TCF4: variants seen among roughly 807,000 people sequenced by gnomAD.
TCF4 encodes SL3-3 enhancer factor 2.
In TCF4, 3 loss-of-function variants were observed where a neutral mutation model predicts 82.1. That is an observed-to-expected ratio of 0.04 (90% CI 0.02 to 0.09). The LOEUF is 0.09. Ranked by LOEUF, TCF4 falls within the 10% of genes least tolerant of loss-of-function variation. The probability of loss-of-function intolerance (pLI) is 1.00; values close to 1 mark genes in which losing one functional copy is unlikely to be tolerated. For synonymous variants in TCF4, 276 were observed against 309.6 expected, an observed-to-expected ratio of 0.89 and a Z score of 1.14; for missense variants, 518 against 852.7, an observed-to-expected ratio of 0.61 and a Z score of 4.89.
At chr18:55,632,153 C>T (rs922157916) in intron 1 of TCF4, among the ~76,000 whole-genome samples, 1 of 152,196 alleles carries the variant, frequency 6.6e-6, no homozygotes, top group Non-Finnish European at 1.5e-5. Flanking sequence ...ATTCTCCTGC[C>T]TCAGCCTCCC....
chr18:55,490,141 A>G (rs1009260513), intron 3 of TCF4, among the ~76,000 whole-genome samples: 35 of 152,378 alleles, frequency 2.3e-4, no homozygotes, highest in Non-Finnish European at 3.4e-4. Context: ...GCAGCAAAGC[A>G]TAAGGAAATA....
chr18:55,508,274 T>C (rs2096786150), intron 3 of TCF4, among the ~76,000 whole-genome samples: 1 of 152,226 alleles, frequency 6.6e-6, no homozygotes, highest in Non-Finnish European at 1.5e-5. Context: ...ATCTATAACC[T>C]ACTCCAGGTC....
At chr18:55,549,032 G>A (rs200689685) in intron 3 of TCF4, among the ~76,000 whole-genome samples, 9 of 152,004 alleles carry the variant, frequency 5.9e-5, no homozygotes, top group Middle Eastern at 3.4e-3. Context: ...CAGGCATGGT[G>A]GTTCACACCT....
chr18:55,508,821 G>A (rs1436169299), intron 3 of TCF4, among the ~76,000 whole-genome samples: 3 of 152,060 alleles, frequency 2.0e-5, no homozygotes, highest in Non-Finnish European at 4.4e-5. Flanking sequence ...CGCAATACAC[G>A]CTAAATGCTA....
Position 55,279,497 on chromosome 18 carries a change from G to A in TCF4, c.655+54C>T. On this transcript the variant is annotated intron_variant, in intron 9 of 19. Coordinates refer to ENST00000354452, the MANE Select transcript of TCF4 (RefSeq NM_001083962.2). ...TTCTGCCCCATCTGTGACATTAAGTGACCCAGGAAAATGCTATCCAGTGGC... is the reference window on the plus strand; with the variant it reads ...TTCTGCCCCATCTGTGACATTAAGTAACCCAGGAAAATGCTATCCAGTGGC... 1.2e-6 allele frequency: 2 copies of A among 1,611,968 alleles called. No homozygotes were observed. The highest frequency in any genetic ancestry group is 1.7e-6 in the Non-Finnish European group (2 of 1,179,230).
intron 2 of TCF4, among the ~76,000 whole-genome samples, chr18:55,625,334 G>A (rs2097725490): frequency 6.6e-6 from 1 of 151,854 alleles, no homozygotes; most frequent in South Asian, 2.1e-4. Flanking sequence ...TGCCTCCTGG[G>A]TTCAAGTGAT....
At chr18:55,285,878 C>A (rs1358688607) in intron 8 of TCF4, among the ~76,000 whole-genome samples, 1 of 152,196 alleles carries the variant, frequency 6.6e-6, no homozygotes, top group African/African-American at 2.4e-5. Context: ...AACTGCTGTT[C>A]AATAAATGTT....
intron 6 of TCF4, among the ~76,000 whole-genome samples, chr18:55,369,857 A>C (rs1167487697): frequency 1.3e-5 from 2 of 152,238 alleles, no homozygotes; most frequent in Non-Finnish European, 2.9e-5. Flanking sequence ...GTCAATCTGC[A>C]GAAAGGAGCT....
At chr18:55,337,241 G>C (rs1467590201) in intron 8 of TCF4, among the ~76,000 whole-genome samples, 1 of 152,132 alleles carries the variant, frequency 6.6e-6, no homozygotes, top group Non-Finnish European at 1.5e-5. Context: ...CTATTTCTAA[G>C]CTTCCTTCCC....
chr18:55,430,694 A>G (rs950439181), intron 5 of TCF4, among the ~76,000 whole-genome samples: 19 of 152,194 alleles, frequency 1.2e-4, no homozygotes, highest in African/African-American at 4.6e-4. Flanking sequence ...CGTTTTTAAC[A>G]TTGTGGATGT....
intron 5 of TCF4, among the ~76,000 whole-genome samples, chr18:55,453,073 C>G (rs538313500): frequency 8.5e-5 from 13 of 152,330 alleles, no homozygotes; most frequent in Middle Eastern, 3.4e-3. Flanking sequence ...GAGTCCCAAA[C>G]TTGCTTCTCT....
At chr18:55,387,745 T>G (rs1455484201) in intron 6 of TCF4, among the ~76,000 whole-genome samples, 1 of 152,218 alleles carries the variant, frequency 6.6e-6, no homozygotes, top group African/African-American at 2.4e-5. Flanking sequence ...CCTCTGGCTC[T>G]GTGACAGTAT....
At chr18:55,467,085 C>G (rs912684779) in intron 3 of TCF4, among the ~76,000 whole-genome samples, 1 of 152,098 alleles carries the variant, frequency 6.6e-6, no homozygotes, top group African/African-American at 2.4e-5. Context: ...CTAGCTCTCC[C>G]AAACCTAATA....
intron 8 of TCF4, among the ~76,000 whole-genome samples, chr18:55,290,419 G>A (rs569679027): frequency 6.6e-6 from 1 of 152,220 alleles, no homozygotes; most frequent in South Asian, 2.1e-4. Flanking sequence ...CCCTGTCTTT[G>A]GGAAATGCTG....
intron 5 of TCF4, among the ~76,000 whole-genome samples, chr18:55,436,072 T>C (rs988968139): frequency 6.6e-6 from 1 of 152,228 alleles, no homozygotes; most frequent in African/African-American, 2.4e-5. Context: ...GAAAAACTGA[T>C]AGTAATCACT....
intron 8 of TCF4, among the ~76,000 whole-genome samples, chr18:55,295,103 A>T (rs1032351133): frequency 1.6e-4 from 24 of 152,298 alleles, no homozygotes; most frequent in South Asian, 8.3e-4. Flanking sequence ...CCTCAAGCGC[A>T]CTGACTGCTT....
At chr18:55,372,847 T>C (rs2089684760) in intron 6 of TCF4, among the ~76,000 whole-genome samples, 1 of 152,180 alleles carries the variant, frequency 6.6e-6, no homozygotes, top group Admixed American at 6.5e-5. Flanking sequence ...CTCTCCGTCA[T>C]CTTTTTTAGG....
rs1336336688 is a variant in TCF4, at chr18:55,369,737, G to C, written c.370-18734C>G. Among the ~76,000 whole-genome samples the C allele has an allele frequency of 4.6e-5, 7 of 152,282 alleles. No homozygotes were observed. In the East Asian group the frequency reaches 1.3e-3, roughly 29 times the overall value. On this transcript the variant is annotated intron_variant, in intron 6 of 19. Transcript: ENST00000354452. The stretch of plus-strand genomic sequence containing the variant: ...TTGGGGGGCGCAGATATCAGCAGCT[G>C]TATTTTTTAAGCTGACATAAATAAA...
At chr18:55,533,325 T>G (rs1471856467) in intron 3 of TCF4, among the ~76,000 whole-genome samples, 1 of 152,130 alleles carries the variant, frequency 6.6e-6, no homozygotes, top group Non-Finnish European at 1.5e-5. Context: ...AGCAAATATG[T>G]ACCCTCACAT....
Sources: gnomAD v4.1 joint callset for allele counts (sites outside exome capture counted in the v4.1 genomes callset) on GRCh38, gnomAD v4.1.1 for gene constraint, MANE v1.5 for transcripts, NCBI Gene and HGNC (gene_info 2026-07-23, HGNC 2026-07-21) for gene names.